NUAK1: variants seen among roughly 807,000 people sequenced by gnomAD.
NUAK1 encodes NUAK family kinase 1.
NUAK1 carries 26 observed loss-of-function variants against 56.9 expected under a neutral mutation model. The observed-to-expected ratio is 0.46, with a 90% CI of 0.33 to 0.63. The LOEUF (loss-of-function observed/expected upper bound fraction) is 0.63. Ranked by LOEUF, NUAK1 falls within the 30% of genes least tolerant of loss-of-function variation. The pLI, the probability that NUAK1 is intolerant of heterozygous loss-of-function variation, is 0.02. For missense variants in NUAK1, 727 were observed against 876.1 expected (o/e 0.83, Z 2.15); for synonymous variants, 337 against 336.0 (o/e 1.00, Z -0.03).
intron 2 of NUAK1, among the ~76,000 whole-genome samples, chr12:106,089,529 C>T (rs1416284028): frequency 1.3e-5 from 2 of 152,236 alleles, no homozygotes; most frequent in South Asian, 2.1e-4. Flanking sequence ...CGGTGGCTCA[C>T]GCCTGTAATC....
At chr12:106,125,177 C>G (rs959035639) in intron 1 of NUAK1, among the ~76,000 whole-genome samples, 9 of 152,128 alleles carry the variant, frequency 5.9e-5, no homozygotes, top group Non-Finnish European at 1.2e-4. Context: ...GAACCAGCAG[C>G]CAAGTCTCCC....
intron 3 of NUAK1, 91 bp from the exon 4 acceptor site, chr12:106,084,020 A>C: frequency 9.2e-7 from 1 of 1,086,686 alleles, no homozygotes; most frequent in Non-Finnish European, 1.4e-6. Flanking sequence ...GCAAAGGGAA[A>C]TGTCTGACAG....
chr12:106,124,980 G>C (rs901856222), intron 1 of NUAK1, among the ~76,000 whole-genome samples: 3 of 149,986 alleles, frequency 2.0e-5, no homozygotes, highest in Non-Finnish European at 4.4e-5. Context: ...CTGGGCGACA[G>C]AGCCAGACTC....
chr12:106,138,945 G>A lies in NUAK1; in HGVS notation c.-292C>T, dbSNP rs1054546317. 9.9e-6 allele frequency: 3 copies of A among 302,642 alleles called. No individual in the cohort carries two copies. The highest frequency in any genetic ancestry group is 6.6e-5 in the African/African-American group (3 of 45,546). The allele number at this position is 302,642 out of a possible 1,614,324, so 18.7% of individuals were successfully genotyped here. A position where few individuals can be genotyped will look rare whatever the true frequency, so the allele number is the denominator to read the frequency against. Reference sequence around the variant, plus strand: ...AGGCGGTGGTGTTTGCAGGAGGGAGGGGAGAGGGTGGCTCGCAGCGCAGGA... The same window carrying A: ...AGGCGGTGGTGTTTGCAGGAGGGAGAGGAGAGGGTGGCTCGCAGCGCAGGA... On this transcript the variant is annotated 5_prime_UTR_variant, in exon 1 of 7. Coordinates refer to ENST00000261402, the MANE Select transcript of NUAK1 (RefSeq NM_014840.3). The surrounding 1 kb of genome is among the most constrained non-coding windows in gnomAD (Gnocchi z 5.0).
intron 1 of NUAK1, among the ~76,000 whole-genome samples, chr12:106,119,810 A>G (rs181537201): frequency 6.6e-6 from 1 of 152,298 alleles, no homozygotes; most frequent in African/African-American, 2.4e-5. Flanking sequence ...AGTACAGAGG[A>G]CCATTGAGGA....
chr12:106,119,169 T>C (rs1225151682), intron 1 of NUAK1, among the ~76,000 whole-genome samples: 1 of 152,254 alleles, frequency 6.6e-6, no homozygotes, highest in African/African-American at 2.4e-5. Flanking sequence ...TTCCTGGTTT[T>C]AATTATCCAA....
At chr12:106,091,157 T>C (rs1231765433) in intron 2 of NUAK1, among the ~76,000 whole-genome samples, 1 of 152,226 alleles carries the variant, frequency 6.6e-6, no homozygotes, top group Non-Finnish European at 1.5e-5. Flanking sequence ...GTTTATGTTA[T>C]TAGTCACTAA....
intron 1 of NUAK1, among the ~76,000 whole-genome samples, chr12:106,130,234 G>A (rs557037115): frequency 1.3e-5 from 2 of 152,132 alleles, no homozygotes; most frequent in African/African-American, 2.4e-5. Flanking sequence ...CACCCACTTC[G>A]GCCTCCCCAA....
At chr12:106,080,175 C>T (rs934459436) in intron 4 of NUAK1, among the ~76,000 whole-genome samples, 1 of 152,248 alleles carries the variant, frequency 6.6e-6, no homozygotes, top group African/African-American at 2.4e-5. Flanking sequence ...TCTATCTCAT[C>T]TTGGCCCTGG....
chr12:106,134,968 C>T (rs2033115617), intron 1 of NUAK1, among the ~76,000 whole-genome samples: 1 of 152,046 alleles, frequency 6.6e-6, no homozygotes, highest in Admixed American at 6.6e-5. Context: ...TGCATTGTCT[C>T]TCTGATGGTC....
At chr12:106,081,195 G>A (rs2032514655) in intron 4 of NUAK1, among the ~76,000 whole-genome samples, 1 of 152,196 alleles carries the variant, frequency 6.6e-6, no homozygotes, top group Admixed American at 6.5e-5. Context: ...CTCTGGGGAA[G>A]CAAAGACACA....
intron 3 of NUAK1, 171 bp from the exon 4 acceptor site, chr12:106,084,100 C>T (rs940290984): frequency 2.2e-5 from 13 of 602,546 alleles, no homozygotes; most frequent in Non-Finnish European, 3.2e-5. Flanking sequence ...TCTTGACGCT[C>T]CCCCGCCAGC....
Position 106,086,446 on chromosome 12 carries a change from C to A in NUAK1, c.513+288G>T, listed in dbSNP as rs892700925. ...GCATAGATAGGAACTCTCTGTACTA[C>A]CTTTGAAACTTTCCTGTAAATCTAA... On this transcript the variant is annotated intron_variant, in intron 3 of 6. Transcript: ENST00000261402. Among the ~76,000 whole-genome samples, 18 of 151,952 alleles carry A rather than the reference C, an allele frequency of 1.2e-4. 1 individual carries two copies. Among genetic ancestry groups the A allele is most frequent in the African/African-American group, 4.4e-4 (18 of 41,352 alleles).
In NUAK1 at chr12:106,070,760, C is replaced by A. The variant is rs369175829; in HGVS notation, c.832+14G>T. ...TCCCCTCCACCTCTGACCCTCCCTC[C>A]ACAGGGCACGCACCTGAGGGCTGTG... On this transcript the variant is annotated intron_variant, in intron 6 of 6. Coordinates refer to ENST00000261402, the MANE Select transcript of NUAK1 (RefSeq NM_014840.3). 6.0e-5 allele frequency: 97 copies of A among 1,614,126 alleles called. No homozygotes were observed. The highest frequency in any genetic ancestry group is 8.1e-5 in the Non-Finnish European group (95 of 1,180,008).
intron 2 of NUAK1, among the ~76,000 whole-genome samples, chr12:106,089,287 C>A (rs1325562801): frequency 6.6e-6 from 1 of 152,242 alleles, no homozygotes; most frequent in East Asian, 1.9e-4. Context: ...GGAGCCAAAG[C>A]CTCTGGCCCT....
At chr12:106,075,483 G>A (rs1431714630) in intron 4 of NUAK1, among the ~76,000 whole-genome samples, 2 of 152,070 alleles carry the variant, frequency 1.3e-5, no homozygotes, top group Admixed American at 6.6e-5. Flanking sequence ...GTAAAATAGC[G>A]TTAGGAAGAG....
At chr12:106,106,365 G>A (rs764601327) in intron 2 of NUAK1, 40 bp downstream of exon 2, 2 of 1,537,190 alleles carry the variant, frequency 1.3e-6, no homozygotes, top group Non-Finnish European at 1.8e-6. Context: ...ATGAGAAATG[G>A]TAACTGATAT....
At chr12:106,112,305 C>G (rs1428153812) in intron 1 of NUAK1, among the ~76,000 whole-genome samples, 1 of 151,842 alleles carries the variant, frequency 6.6e-6, no homozygotes, top group Non-Finnish European at 1.5e-5. Flanking sequence ...CTCAGGGGAT[C>G]TCTCCTTACC....
intron 1 of NUAK1, among the ~76,000 whole-genome samples, chr12:106,109,510 C>T (rs1021289387): frequency 2.0e-5 from 3 of 149,958 alleles, no homozygotes; most frequent in Non-Finnish European, 4.4e-5. Flanking sequence ...TTTGTAGGAC[C>T]CAGGGAGCTA....
Sources: allele counts gnomAD v4.1 joint callset (sites outside exome capture counted in the v4.1 genomes callset), GRCh38; gene constraint gnomAD v4.1.1; non-coding constraint Gnocchi (gnomAD v3.1); transcripts MANE v1.5; gene names NCBI Gene and HGNC (gene_info 2026-07-23, HGNC 2026-07-21).